Variants in ZNF254 observed in about 807,000 individuals in gnomAD.
ZNF254 encodes CTD-2017D11.1.
In ZNF254, 10 loss-of-function variants were observed where a neutral mutation model predicts 12.4. The ratio of observed to expected loss-of-function variants is 0.80; its 90% CI spans 0.50 to 1.36. The LOEUF (loss-of-function observed/expected upper bound fraction) is 1.36. Among genes scored for constraint, ZNF254 ranks in the 40% most tolerant of loss-of-function variants. The probability of loss-of-function intolerance (pLI) is 0.00; values close to 1 mark genes in which losing one functional copy is unlikely to be tolerated. For synonymous variants in ZNF254, 305 were observed against 253.4 expected (o/e 1.20, Z -1.93); for missense variants, 996 against 763.9 (o/e 1.30, Z -3.58).
chr19:24,078,917 A>C (rs1331578436), intron 2 of ZNF254: 1 of 152,156 alleles, frequency 6.6e-6, no homozygotes, highest in East Asian at 1.9e-4. Flanking sequence ...TCTACAACAA[A>C]ACAGAAGTAT....
In ZNF254 at chr19:24,126,357, T is replaced by C. The variant is rs1441232986; in HGVS notation, c.357T>C (p.Asn119=). ...LRRYGKYGHE[N]LQLRKGCKSV... ...GATATGGAAAATATGGACATGAGAA[T>C]TTACAGTTAAGAAAAGGCTGTAAAA... Residue 119 remains asparagine, a synonymous_variant, in exon 4 of 4, where the codon AAT becomes AAC. Transcript: ENST00000357002. 3.7e-6 allele frequency: 6 copies of C among 1,609,818 alleles called. No homozygotes were observed. Among genetic ancestry groups the C allele is most frequent in the Non-Finnish European group, 5.1e-6 (6 of 1,178,270 alleles).
At chr19:24,053,251 C>G (rs1369539260) in intron 2 of ZNF254, among the ~76,000 whole-genome samples, 2 of 152,196 alleles carry the variant, frequency 1.3e-5, no homozygotes, top group African/African-American at 4.8e-5. Context: ...GATTGAAGTT[C>G]TCATGCACAA....
upstream of ZNF254, among the ~76,000 whole-genome samples, chr19:24,083,235 A>G (rs1971913512): frequency 6.6e-6 from 1 of 152,092 alleles, no homozygotes; most frequent in Non-Finnish European, 1.5e-5. Context: ...AAATAATACT[A>G]ATAATTAGGA....
At chr19:24,087,708 T>C (rs1200408457) in intron 1 of ZNF254, among the ~76,000 whole-genome samples, 1 of 152,058 alleles carries the variant, frequency 6.6e-6, no homozygotes, top group African/African-American at 2.4e-5. Flanking sequence ...CCCTCTTTTT[T>C]CCCATTAAAA....
intron 1 of ZNF254, among the ~76,000 whole-genome samples, chr19:24,090,399 C>G (rs2145665242): frequency 6.6e-6 from 1 of 152,258 alleles, no homozygotes; most frequent in South Asian, 2.1e-4. Flanking sequence ...TAAGACATAT[C>G]TGTGTCTTGA....
At chr19:24,084,607 T>G (rs1036206358), upstream of ZNF254, among the ~76,000 whole-genome samples, 1 of 152,070 alleles carries the variant, frequency 6.6e-6, no homozygotes, top group Non-Finnish European at 1.5e-5. Context: ...AAGTTTAACT[T>G]TCTATGCTTT....
In ZNF254 at chr19:24,128,240, A is replaced by G. The variant is rs186395164; in HGVS notation, c.*260A>G. 5 of 397,200 alleles carry G rather than the reference A, an allele frequency of 1.3e-5. No homozygotes were observed. In the East Asian group the frequency reaches 1.6e-4, roughly 12 times the overall value. The allele number at this position is 397,200 out of a possible 1,614,324, so 24.6% of individuals were successfully genotyped here. A position where few individuals can be genotyped will look rare whatever the true frequency, so the allele number is the denominator to read the frequency against. On this transcript the variant is annotated 3_prime_UTR_variant, in exon 4 of 4. Transcript: ENST00000357002. Reference sequence around the variant, plus strand: ...TGAACAACGTGGCCAAGCTTCGACAATGCTCACACCCTATTGCACAGGAAA... The same window carrying G: ...TGAACAACGTGGCCAAGCTTCGACAGTGCTCACACCCTATTGCACAGGAAA...
chr19:24,106,788 A>C, intron 3 of ZNF254, 145 bp downstream of exon 3: 3 of 540,756 alleles, frequency 5.5e-6, no homozygotes, highest in Non-Finnish European at 9.4e-6. Context: ...TTATACTCTC[A>C]CATAGGGGCA....
At chr19:24,082,432 G>T (rs1389102765), upstream of ZNF254, among the ~76,000 whole-genome samples, 1 of 129,532 alleles carries the variant, frequency 7.7e-6, no homozygotes, top group Non-Finnish European at 1.6e-5. Flanking sequence ...GGATCACGAG[G>T]TCAGGAGATC....
In ZNF254 at chr19:24,127,192, A is replaced by G. The variant is rs767358306; in HGVS notation, c.1192A>G (p.Ile398Val). 1.9e-6 allele frequency: 3 copies of G among 1,613,476 alleles called. No homozygotes were observed. The South Asian group carries it at 3.3e-5, about 18-fold the overall frequency. The change falls in exon 4 of 4, where the codon ATA becomes GTA. Residue 398 changes from isoleucine (I) to valine (V), a missense_variant. By Grantham distance (29) the Ile-to-Val change is conservative. Coordinates refer to ENST00000357002, the MANE Select transcript of ZNF254 (RefSeq NM_203282.4). Reference sequence around the variant, plus strand: ...ACTCTCAACTCTTACTACACATAAAATAATTCATGTTGGAGAGAAACTCTA... The same window carrying G: ...ACTCTCAACTCTTACTACACATAAAGTAATTCATGTTGGAGAGAAACTCTA... ...KQLSTLTTHKIIHVGEKLYKC... is the reference protein window; with the variant it reads ...KQLSTLTTHKVIHVGEKLYKC...
At chr19:24,083,886 T>G (rs1472916246), upstream of ZNF254, among the ~76,000 whole-genome samples, 2 of 152,022 alleles carry the variant, frequency 1.3e-5, no homozygotes, top group Non-Finnish European at 2.9e-5. Context: ...ACATTGCTGG[T>G]GGGAATGTAT....
intron 2 of ZNF254, among the ~76,000 whole-genome samples, chr19:24,047,948 A>C (rs1049263116): frequency 8.1e-5 from 12 of 149,034 alleles, no homozygotes; most frequent in Non-Finnish European, 1.8e-4. Context: ...TAGCCTCCCA[A>C]AGTGCTGGGA....
At chr19:24,077,207 C>G (rs1420489971) in intron 2 of ZNF254, among the ~76,000 whole-genome samples, 1 of 152,128 alleles carries the variant, frequency 6.6e-6, no homozygotes, top group East Asian at 1.9e-4. Context: ...TCAAGTTTTC[C>G]TGTCTTACCT....
At position 24,091,538 on chromosome 19, in the gene ZNF254, G is replaced by A. The variant is rs547619100; in HGVS notation, c.30+4201G>A. Among the ~76,000 whole-genome samples, 12 of 152,164 alleles carry A rather than the reference G, an allele frequency of 7.9e-5. No individual in the cohort carries two copies. The South Asian group carries it at 1.0e-3, about 13-fold the overall frequency. On this transcript the variant is annotated intron_variant, in intron 1 of 3. Coordinates refer to ENST00000357002, the MANE Select transcript of ZNF254 (RefSeq NM_203282.4). ...TAAAGAGTTGCACTGCGACACCCAG[G>A]CTGGAGTGCAATGGTGCAATCTTAG...
chr19:24,127,678 A>G lies in ZNF254; in HGVS notation c.1678A>G (p.Ile560Val), dbSNP rs374563438. Residue 560 changes from isoleucine to valine, a missense_variant, in exon 4 of 4, where the codon ATC becomes GTC. Coordinates refer to ENST00000357002, the MANE Select transcript of ZNF254 (RefSeq NM_203282.4). Reference sequence around the variant, plus strand: ...TGGCAAAGCCTTTAAGCAGTCTTCAATCCTTACTAACCATAAGAGAATTCA... The same window carrying G: ...TGGCAAAGCCTTTAAGCAGTCTTCAGTCCTTACTAACCATAAGAGAATTCA... ...KCGKAFKQSS[I>V]LTNHKRIHTG... The G allele has an allele frequency of 1.9e-5, 31 of 1,613,328 alleles. No individual in the cohort carries two copies. The highest frequency in any genetic ancestry group is 5.5e-5 in the South Asian group (5 of 91,052).
At chr19:24,097,579 C>T (rs1056301996) in intron 1 of ZNF254, among the ~76,000 whole-genome samples, 3 of 151,644 alleles carry the variant, frequency 2.0e-5, no homozygotes, top group Non-Finnish European at 2.9e-5. Context: ...GTTGGGAGTT[C>T]GAGACCATCC....
chr19:24,034,050 T>C (rs1568418051), intron 1 of ZNF254, among the ~76,000 whole-genome samples: 1 of 152,262 alleles, frequency 6.6e-6, no homozygotes, highest in South Asian at 2.1e-4. Context: ...CTTCGCCTCC[T>C]AGACTCAAGC....
chr19:24,062,087 CAAAAAA>C (rs72097158), intron 2 of ZNF254, among the ~76,000 whole-genome samples: 31 of 115,086 alleles, frequency 2.7e-4, no homozygotes, highest in South Asian at 1.5e-3. Flanking sequence ...CTCTGTCTCA[CAAAAAA>C]AAAAAAAAAG....
intron 1 of ZNF254, among the ~76,000 whole-genome samples, chr19:24,088,706 T>A (rs1972178275): frequency 6.6e-6 from 1 of 152,066 alleles, no homozygotes; most frequent in African/African-American, 2.4e-5. Context: ...TGGAGTGCAG[T>A]GGTGCAGTGG....
Sources: allele counts gnomAD v4.1 joint callset (sites outside exome capture counted in the v4.1 genomes callset), GRCh38; gene constraint gnomAD v4.1.1; transcripts MANE v1.5; gene names NCBI Gene and HGNC (gene_info 2026-07-23, HGNC 2026-07-21).